Variants in CHN2 observed in about 807,000 individuals in gnomAD.
CHN2 encodes the protein beta-chimaerin.
In CHN2, 35 loss-of-function variants were observed where a neutral mutation model predicts 56.3. The ratio of observed to expected loss-of-function variants is 0.62; its 90% CI spans 0.47 to 0.82. CHN2 has a LOEUF of 0.82. CHN2 is among the 40% of genes least tolerant of loss of function. The pLI is 0.00. For synonymous variants in CHN2, 210 were observed against 212.8 expected (o/e 0.99, Z 0.12); for missense variants, 491 against 580.5 (o/e 0.85, Z 1.58).
At chr7:29,175,792 G>T (rs1158034867) in intron 2 of CHN2, among the ~76,000 whole-genome samples, 1 of 151,940 alleles carries the variant, frequency 6.6e-6, no homozygotes, top group Non-Finnish European at 1.5e-5. Context: ...TGAAAGAAGG[G>T]TTAGGAAGTA....
At chr7:29,358,518 G>A (rs953079433) in intron 2 of CHN2, among the ~76,000 whole-genome samples, 1 of 151,836 alleles carries the variant, frequency 6.6e-6, no homozygotes, top group African/African-American at 2.4e-5. Context: ...GCCGGACTGC[G>A]GTGGTGCTAT....
intron 1 of CHN2, among the ~76,000 whole-genome samples, chr7:29,275,079 C>T (rs544648825): frequency 6.6e-6 from 1 of 152,136 alleles, no homozygotes; most frequent in African/African-American, 2.4e-5. Flanking sequence ...CTCTCTGCCC[C>T]CTGTGATCTT....
At chr7:29,486,459 G>A (rs575927453) in intron 7 of CHN2, among the ~76,000 whole-genome samples, 1 of 152,204 alleles carries the variant, frequency 6.6e-6, no homozygotes, top group African/African-American at 2.4e-5. Flanking sequence ...AGGATGTGTC[G>A]GGCCAGCTCT....
intron 6 of CHN2, among the ~76,000 whole-genome samples, chr7:29,428,359 A>G (rs929647156): frequency 2.6e-5 from 4 of 152,208 alleles, no homozygotes; most frequent in Admixed American, 6.5e-5. Context: ...CACTTGCATC[A>G]TGGTCCAATG....
At chr7:29,274,284 A>T (rs10236722) in intron 1 of CHN2, among the ~76,000 whole-genome samples, 30,577 of 152,152 alleles carry the variant, frequency 0.2, 3,227 homozygotes, top group East Asian at 0.28. Flanking sequence ...CAGCATCTGA[A>T]TCTCAAATTG....
intron 1 of CHN2, among the ~76,000 whole-genome samples, chr7:29,329,376 CAAAAA>C (rs10667833): frequency 1.3e-4 from 5 of 37,248 alleles, no homozygotes; most frequent in Admixed American, 4.7e-4. Context: ...TCAGATAAGG[CAAAAA>C]AAAAAAAAAA....
At chr7:29,440,507 A>T (rs924269551) in intron 6 of CHN2, among the ~76,000 whole-genome samples, 9 of 151,944 alleles carry the variant, frequency 5.9e-5, no homozygotes, top group African/African-American at 2.2e-4. Context: ...CCTGACCAAC[A>T]TGGCGAAACC....
chr7:29,444,869 A>G (rs1056981248), intron 6 of CHN2, among the ~76,000 whole-genome samples: 1 of 152,160 alleles, frequency 6.6e-6, no homozygotes, highest in Non-Finnish European at 1.5e-5. Flanking sequence ...TGCCTCATAC[A>G]TTTTGGGGGT....
At chr7:29,358,698 T>A (rs945252397) in intron 2 of CHN2, among the ~76,000 whole-genome samples, 3 of 152,106 alleles carry the variant, frequency 2.0e-5, no homozygotes, top group Non-Finnish European at 4.4e-5. Flanking sequence ...TCTCCTGACC[T>A]CGTGATCTGC....
intron 1 of CHN2, among the ~76,000 whole-genome samples, chr7:29,286,239 T>C (rs1305423690): frequency 1.3e-5 from 2 of 149,738 alleles, no homozygotes; most frequent in African/African-American, 4.9e-5. Flanking sequence ...TTACTCAGAT[T>C]CCCTTGGGAA....
At chr7:29,255,326 G>T (rs1478748833) in intron 1 of CHN2, among the ~76,000 whole-genome samples, 1 of 152,180 alleles carries the variant, frequency 6.6e-6, no homozygotes, top group Non-Finnish European at 1.5e-5. Flanking sequence ...GCAGAGTCAG[G>T]ATGACAAAGG....
chr7:29,203,015 A>G (rs1784269636), intron 1 of CHN2, among the ~76,000 whole-genome samples: 1 of 152,234 alleles, frequency 6.6e-6, no homozygotes. Flanking sequence ...TGACAGCCAC[A>G]TGTGGTTACT....
At chr7:29,243,718 T>C (rs1584847009) in intron 1 of CHN2, among the ~76,000 whole-genome samples, 1 of 151,900 alleles carries the variant, frequency 6.6e-6, no homozygotes, top group Non-Finnish European at 1.5e-5. Context: ...ACAAGGAGAG[T>C]TTCACCAGCC....
At position 29,271,853 on chromosome 7, in the gene CHN2, G is replaced by A. The variant is rs114649918; in HGVS notation, c.49+76863G>A. Among the ~76,000 whole-genome samples, 888 of 152,214 alleles carry A rather than the reference G, an allele frequency of 5.8e-3. 12 individuals carry two copies. Among genetic ancestry groups the A allele is most frequent in the African/African-American group, 0.02 (830 of 41,482 alleles). On this transcript the variant is annotated intron_variant, in intron 1 of 12. Transcript: ENST00000222792. ...TTTTGAGCAGCTCCTGGAGGGCAGC[G>A]GGGGAGCATTTTTTATTCACCTTTG...
At chr7:29,188,626 G>T (rs754961368) in intron 2 of CHN2, among the ~76,000 whole-genome samples, 8 of 151,994 alleles carry the variant, frequency 5.3e-5, no homozygotes, top group Non-Finnish European at 1.2e-4. Flanking sequence ...ATTTTCTTGG[G>T]GAGTGAAGGC....
Position 29,184,213 on chromosome 7 carries a change from TAGA to T in CHN2, c.274+37258_274+37260del, listed in dbSNP as rs1798430962. Among the ~76,000 whole-genome samples, 7 of 149,904 alleles carry T rather than the reference TAGA, an allele frequency of 4.7e-5. No individual in the cohort carries two copies. In the South Asian group the frequency reaches 1.5e-3, roughly 32 times the overall value. ...GATAGATAGATAAAAGAGATATTTA[TAGA>T]AGAAATATATATAGGAGATATACAT... On this transcript the variant is annotated intron_variant, in intron 2 of 6. Coordinates refer to the CHN2 transcript ENST00000439384.
At chr7:29,158,607 G>A (rs1794752374) in intron 2 of CHN2, among the ~76,000 whole-genome samples, 1 of 152,166 alleles carries the variant, frequency 6.6e-6, no homozygotes. Flanking sequence ...TTTCACATGT[G>A]TAGAGCTGAC....
At chr7:29,460,282 T>C (rs536740190) in intron 6 of CHN2, among the ~76,000 whole-genome samples, 3 of 152,286 alleles carry the variant, frequency 2.0e-5, no homozygotes, top group Non-Finnish European at 4.4e-5. Context: ...AGGCTCCACT[T>C]TAAGAGGGCA....
chr7:29,393,674 T>A lies in CHN2; in HGVS notation c.145-5T>A. ...ATTATTAATTTTTTTTTCTTTTTAA[T>A]ATAGGTGGAAAACAGACCAAAATAT... On this transcript the variant is annotated splice_region_variant and splice_polypyrimidine_tract_variant and intron_variant, in intron 3 of 12. Transcript: ENST00000222792. 1.1e-6 allele frequency: 1 copy of A among 897,142 alleles called. No homozygotes were observed. Among genetic ancestry groups the A allele is most frequent in the South Asian group, 1.4e-5 (1 of 69,742 alleles). The allele number at this position is 897,142 out of a possible 1,614,324, so 55.6% of individuals were successfully genotyped here.
Sources: gnomAD v4.1 joint callset for allele counts (sites outside exome capture counted in the v4.1 genomes callset) on GRCh38, gnomAD v4.1.1 for gene constraint, MANE v1.5 for transcripts, NCBI Gene and HGNC (gene_info 2026-07-23, HGNC 2026-07-21) for gene names.